The following USP45 variants were observed in gnomAD, a reference collection of about 807,000 sequenced individuals.
USP45 encodes ubiquitin carboxyl-terminal hydrolase 45.
In USP45, 89 loss-of-function variants were observed where a neutral mutation model predicts 95.8. The observed-to-expected ratio is 0.93, with a 90% CI of 0.78 to 1.11. The LOEUF is 1.11. Among genes scored for constraint, USP45 ranks in the 50% least tolerant of loss-of-function variants. The pLI, the probability that USP45 is intolerant of heterozygous loss-of-function variation, is 0.00. For synonymous variants in USP45, 281 were observed against 316.2 expected, an observed-to-expected ratio of 0.89 and a Z score of 1.18; for missense variants, 898 against 942.5, an observed-to-expected ratio of 0.95 and a Z score of 0.62.
chr6:99,437,424 A>G, intron 16 of USP45, 25 bp from the exon 17 acceptor site: 1 of 1,563,944 alleles, frequency 6.4e-7, no homozygotes, highest in East Asian at 2.3e-5. Flanking sequence ...AAAAAACCCA[A>G]ATTAGTAATA....
intron 7 of USP45, among the ~76,000 whole-genome samples, chr6:99,484,025 T>TTTTTTA (rs1427246582): frequency 6.9e-5 from 10 of 145,642 alleles, no homozygotes; most frequent in African/African-American, 2.0e-4. Flanking sequence ...TTTTTTTTTT[T>TTTTTTA]AAAGAGACAG....
chr6:99,494,273 T>C (rs1795823116), intron 5 of USP45, among the ~76,000 whole-genome samples: 1 of 152,206 alleles, frequency 6.6e-6, no homozygotes, highest in Admixed American at 6.5e-5. Flanking sequence ...CATAAAAAGA[T>C]AATATAGACC....
chr6:99,514,642 G>A (rs1377985768), intron 1 of USP45, among the ~76,000 whole-genome samples: 2 of 148,966 alleles, frequency 1.3e-5, no homozygotes, highest in African/African-American at 5.0e-5. Context: ...TTTTTAAACA[G>A]GCTATGCAAA....
chr6:99,446,538 A>C (rs137988377), intron 13 of USP45, 75 bp from the exon 14 acceptor site: 1 of 1,305,478 alleles, frequency 7.7e-7, no homozygotes, highest in African/African-American at 1.5e-5. Context: ...ATTCTTAAAC[A>C]TATCATAGTT....
At chr6:99,502,812 T>C (rs1387597980) in intron 5 of USP45, among the ~76,000 whole-genome samples, 1 of 152,204 alleles carries the variant, frequency 6.6e-6, no homozygotes, top group Non-Finnish European at 1.5e-5. Flanking sequence ...TGTTCAAAAG[T>C]GTGTACTACC....
Position 99,493,564 on chromosome 6 carries a change from C to T in USP45, c.479-4744G>A, listed in dbSNP as rs148740416. On this transcript the variant is annotated intron_variant, in intron 5 of 17. Coordinates refer to ENST00000500704, the MANE Select transcript of USP45 (RefSeq NM_001346022.3). ...CCAGGCTGGAGTGCAATGGCACAAT[C>T]TCGGCTCACTGCAACCTCCACCTCC... 7.6e-3 allele frequency among the ~76,000 whole-genome samples: 1,160 copies of T among 152,260 alleles called. 17 individuals carry two copies. Among genetic ancestry groups the T allele is most frequent in the African/African-American group, 0.027 (1,103 of 41,552 alleles).
chr6:99,440,400 GCTCT>G (rs1362111566), intron 15 of USP45, among the ~76,000 whole-genome samples: 2 of 152,052 alleles, frequency 1.3e-5, no homozygotes, highest in African/African-American at 4.8e-5. Flanking sequence ...TCTTAAATAT[GCTCT>G]CTTTTTCTAA....
intron 15 of USP45, among the ~76,000 whole-genome samples, chr6:99,440,708 A>G (rs1478662408): frequency 1.3e-5 from 2 of 151,786 alleles, no homozygotes; most frequent in Admixed American, 1.3e-4. Flanking sequence ...TTTTTGCCGA[A>G]GTGTATTCAC....
intron 10 of USP45, 123 bp downstream of exon 10, chr6:99,468,414 C>T (rs1788509438): frequency 9.1e-6 from 6 of 660,656 alleles, no homozygotes; most frequent in Admixed American, 8.1e-5. Flanking sequence ...GCAGCAACTA[C>T]GTCCTCCTTT....
At chr6:99,483,009 A>G in intron 7 of USP45, 126 bp from the exon 8 acceptor site, 1 of 725,786 alleles carries the variant, frequency 1.4e-6, no homozygotes, top group Non-Finnish European at 1.9e-6. Flanking sequence ...AAGAAACTTT[A>G]TTATTTCATA....
chr6:99,468,217 T>A, intron 10 of USP45: 1 of 468,368 alleles, frequency 2.1e-6, no homozygotes, highest in Non-Finnish European at 4.2e-6. Flanking sequence ...TGTCAAATGA[T>A]ACAATATGAT....
chr6:99,484,011 T>TTTTTG (rs1487532159), intron 7 of USP45, among the ~76,000 whole-genome samples: 1 of 138,110 alleles, frequency 7.2e-6, no homozygotes, highest in African/African-American at 2.7e-5. Context: ...ATAGTTTTTT[T>TTTTTG]TTTTTTTTTT....
chr6:99,488,948 G>C (rs2128732406), intron 5 of USP45, 128 bp from the exon 6 acceptor site: 1 of 700,346 alleles, frequency 1.4e-6, no homozygotes, highest in South Asian at 3.6e-5. Context: ...TTCCTGAAGG[G>C]GAAGAATATA....
At chr6:99,507,385 G>T in intron 4 of USP45, 43 bp downstream of exon 4, 2 of 1,205,432 alleles carry the variant, frequency 1.7e-6, no homozygotes, top group Non-Finnish European at 2.4e-6. Flanking sequence ...AAAATTGGGG[G>T]GCTGTGGTTA....
Position 99,446,560 on chromosome 6 carries a change from T to C in USP45, c.1309-97A>G, listed in dbSNP as rs987163439. On this transcript the variant is annotated intron_variant, in intron 13 of 17. Transcript: ENST00000500704. Reference sequence around the variant, plus strand: ...AACATATCATAGTTATTAAATACCATTTCTCTCAGATCCATTTCCTAAGCC... The same window carrying C: ...AACATATCATAGTTATTAAATACCACTTCTCTCAGATCCATTTCCTAAGCC... The C allele has an allele frequency of 1.8e-5, 21 of 1,136,980 alleles. No individual in the cohort carries two copies. In the African/African-American group the frequency reaches 2.7e-4, roughly 14 times the overall value. The allele number at this position is 1,136,980 out of a possible 1,614,324, so 70.4% of individuals were successfully genotyped here.
Position 99,488,278 on chromosome 6 carries a change from A to G in USP45, c.636T>C (p.Tyr212=), listed in dbSNP as rs756521222. 1.6e-5 allele frequency: 25 copies of G among 1,608,620 alleles called. No individual in the cohort carries two copies. Among genetic ancestry groups the G allele is most frequent in the Non-Finnish European group, 2.0e-5 (24 of 1,178,322 alleles). ...NAVMQNLAQT[Y]TLTDLMNEIK... ...TCTCATTCATCAGATCAGTAAGAGT[A>G]TAAGTCTGTGCCAAGTTCTAAAAGA... is the stretch of plus-strand genomic sequence containing the variant. The change falls in exon 7 of 18, where the codon TAT becomes TAC. Residue 212 remains tyrosine, a synonymous_variant. Coordinates refer to ENST00000500704, the MANE Select transcript of USP45 (RefSeq NM_001346022.3).
chr6:99,477,241 G>T (rs1475998585), intron 8 of USP45, among the ~76,000 whole-genome samples: 1 of 152,148 alleles, frequency 6.6e-6, no homozygotes, highest in Non-Finnish European at 1.5e-5. Flanking sequence ...AACAAGCTAA[G>T]TGCCACTAAC....
rs1437724243 is a variant in USP45 at position 99,432,743 on chromosome 6, GA to G, written c.*2972del. Reference sequence around the variant, plus strand: ...TAGGCTTATTTGATCAATACATGCAGAAAAATAAATTACAAACGTGAATTTT... The same window carrying G: ...TAGGCTTATTTGATCAATACATGCAGAAAATAAATTACAAACGTGAATTTT... On this transcript the variant is annotated 3_prime_UTR_variant, in exon 18 of 18. Transcript: ENST00000500704. The G allele has an allele frequency of 6.6e-6, 1 of 152,522 alleles. No individual in the cohort carries two copies. The highest frequency in any genetic ancestry group is 6.6e-5 in the Admixed American group (1 of 15,264). 9.4% of individuals were successfully genotyped at this position (152,522 alleles called of 1,614,324 possible). A position where few individuals can be genotyped will look rare whatever the true frequency, so the allele number is the denominator to read the frequency against.
In USP45 at chr6:99,464,738, GT is replaced by G; in HGVS notation, c.1173del (p.Lys391AsnfsTer8). 6.2e-7 allele frequency: 1 copy of G among 1,605,002 alleles called. No individual in the cohort carries two copies. Reference protein sequence around the residue: ...SLPIIEERVSKPLLWGRMNKY... With the variant: ...SLPIIEERVSXPLLWGRMNKY... Reference sequence around the variant, plus strand: ...TTATTCATTCTTCCCCAAAGTAAAGGTTTTGAAACCTATGTAAATGCCACAT... The same window carrying G: ...TTATTCATTCTTCCCCAAAGTAAAGGTTTGAAACCTATGTAAATGCCACAT... On this transcript the variant is annotated frameshift_variant, in exon 13 of 18. Transcript: ENST00000500704. LOFTEE classifies it high-confidence loss of function.
Sources: gnomAD v4.1 joint callset for allele counts (sites outside exome capture counted in the v4.1 genomes callset) on GRCh38, gnomAD v4.1.1 for gene constraint, MANE v1.5 for transcripts, NCBI Gene and HGNC (gene_info 2026-07-23, HGNC 2026-07-21) for gene names.